NALCN: variants seen among roughly 807,000 people sequenced by gnomAD.
NALCN encodes sodium leak channel NALCN.
A neutral mutation model predicts 225.3 loss-of-function variants in NALCN; 111 were observed. The ratio of observed to expected loss-of-function variants is 0.49; its 90% CI spans 0.42 to 0.58. NALCN has a LOEUF of 0.58. Among genes scored for constraint, NALCN ranks in the 20% least tolerant of loss-of-function variants. The pLI, the probability that NALCN is intolerant of heterozygous loss-of-function variation, is 0.00. For synonymous variants in NALCN, 764 were observed against 769.0 expected (o/e 0.99, Z 0.11); for missense variants, 1,378 against 2,202.4 (o/e 0.63, Z 7.49).
At chr13:101,160,688 C>A (rs1316848591) in intron 15 of NALCN, among the ~76,000 whole-genome samples, 5 of 151,820 alleles carry the variant, frequency 3.3e-5, no homozygotes, top group African/African-American at 1.2e-4. Context: ...GAAGGTGTTT[C>A]TTCCTTATAA....
chr13:101,080,859 G>C (rs1026377834), intron 34 of NALCN, among the ~76,000 whole-genome samples: 2 of 151,444 alleles, frequency 1.3e-5, no homozygotes, highest in African/African-American at 2.4e-5. Context: ...AGTGATATCT[G>C]TGGCCACATT....
intron 14 of NALCN, chr13:101,181,255 G>T (rs981921363): frequency 3.9e-6 from 2 of 518,942 alleles, no homozygotes; most frequent in Non-Finnish European, 7.7e-6. Flanking sequence ...CTGGCTTCCA[G>T]GCAGAGGGTT....
chr13:101,274,493 T>G (rs2042910384), intron 10 of NALCN, among the ~76,000 whole-genome samples: 1 of 152,226 alleles, frequency 6.6e-6, no homozygotes, highest in African/African-American at 2.4e-5. Flanking sequence ...ACCTTTATGG[T>G]GCTGTGAGCA....
chr13:101,158,421 C>T (rs754274113), intron 15 of NALCN, among the ~76,000 whole-genome samples: 6 of 152,230 alleles, frequency 3.9e-5, no homozygotes, highest in African/African-American at 9.6e-5. Flanking sequence ...TCATGGGCAC[C>T]GCTGAGCTCC....
At chr13:101,138,926 G>A (rs1268267824) in intron 17 of NALCN, among the ~76,000 whole-genome samples, 3 of 152,094 alleles carry the variant, frequency 2.0e-5, no homozygotes, top group African/African-American at 4.8e-5. Flanking sequence ...CTTGAATCAG[G>A]AAGAAAAGGA....
chr13:101,403,845 G>A (rs2047545193), intron 1 of NALCN, among the ~76,000 whole-genome samples: 1 of 152,188 alleles, frequency 6.6e-6, no homozygotes, highest in Non-Finnish European at 1.5e-5. Context: ...CCCTGGCACA[G>A]TTTGAGAAGG....
chr13:101,182,251 A>T (rs2039268928), intron 14 of NALCN, among the ~76,000 whole-genome samples: 1 of 152,060 alleles, frequency 6.6e-6, no homozygotes, highest in African/African-American at 2.4e-5. Flanking sequence ...AGAGCAGGAC[A>T]GAGAGAGCCA....
At chr13:101,068,606 G>T in intron 38 of NALCN, 89 bp downstream of exon 38, 2 of 1,309,994 alleles carry the variant, frequency 1.5e-6, no homozygotes, top group South Asian at 2.4e-5. Flanking sequence ...CCCACCCCAA[G>T]AAATCCAGGG....
intron 3 of NALCN, among the ~76,000 whole-genome samples, chr13:101,379,989 T>C (rs928734208): frequency 6.6e-6 from 1 of 152,178 alleles, no homozygotes; most frequent in African/African-American, 2.4e-5. Flanking sequence ...ACCTTGACAG[T>C]ATTAGATCAT....
chr13:101,169,342 A>T (rs2038604111), intron 15 of NALCN, among the ~76,000 whole-genome samples: 1 of 142,236 alleles, frequency 7.0e-6, no homozygotes, highest in South Asian at 2.3e-4. Flanking sequence ...ATTTTTAAAA[A>T]TATTTTTATT....
intron 7 of NALCN, among the ~76,000 whole-genome samples, chr13:101,309,888 T>A (rs2044278687): frequency 6.6e-6 from 1 of 152,170 alleles, no homozygotes; most frequent in African/African-American, 2.4e-5. Context: ...TACTGGAACT[T>A]AACATGTAAT....
At chr13:101,228,088 G>A (rs2041214906) in intron 13 of NALCN, among the ~76,000 whole-genome samples, 1 of 152,072 alleles carries the variant, frequency 6.6e-6, no homozygotes. Context: ...CCCCTCAACT[G>A]AGAATTTCTT....
intron 1 of NALCN, among the ~76,000 whole-genome samples, chr13:101,412,347 C>G (rs187268747): frequency 1.3e-5 from 2 of 152,292 alleles, no homozygotes; most frequent in East Asian, 3.9e-4. Flanking sequence ...CTTTTCTTTG[C>G]ATAATTGGAA....
chr13:101,137,072 C>T (rs886743324), intron 17 of NALCN, among the ~76,000 whole-genome samples: 7 of 152,202 alleles, frequency 4.6e-5, no homozygotes, highest in African/African-American at 1.7e-4. Context: ...AAATCTTACG[C>T]ATCTTTTTAT....
At chr13:101,272,825 T>G (rs1299751407) in intron 10 of NALCN, among the ~76,000 whole-genome samples, 2 of 152,082 alleles carry the variant, frequency 1.3e-5, no homozygotes, top group Non-Finnish European at 2.9e-5. Context: ...TGTGGGAAGG[T>G]TCACGAAGAA....
chr13:101,281,123 T>A (rs1202729898), intron 10 of NALCN, among the ~76,000 whole-genome samples: 1 of 152,082 alleles, frequency 6.6e-6, no homozygotes, highest in Non-Finnish European at 1.5e-5. Flanking sequence ...TCAGGTGATC[T>A]GCCTGCCTCA....
chr13:101,143,341 C>A, intron 16 of NALCN, 120 bp from the exon 17 acceptor site: 1 of 1,004,430 alleles, frequency 1.0e-6, no homozygotes, highest in Non-Finnish European at 1.4e-6. Flanking sequence ...TCATAGAAAA[C>A]TAGATCATGA....
At position 101,164,207 on chromosome 13, in the gene NALCN, G is replaced by A. The variant is rs138035593; in HGVS notation, c.1839+12093C>T. On this transcript the variant is annotated intron_variant, in intron 15 of 43. Transcript: ENST00000251127. ...ATCAGGAGAACATCAATTCTAACAGGTACTTCTGTTTTGAACTGACTTTTT... is the reference window on the plus strand; with the variant it reads ...ATCAGGAGAACATCAATTCTAACAGATACTTCTGTTTTGAACTGACTTTTT... Among the ~76,000 whole-genome samples, 178 of 152,106 alleles carry A rather than the reference G, an allele frequency of 1.2e-3. 1 individual carries two copies. Among genetic ancestry groups the A allele is most frequent in the African/African-American group, 4.2e-3 (174 of 41,508 alleles).
Position 101,292,108 on chromosome 13 carries a change from C to T in NALCN, c.943-14G>A. 6.2e-7 allele frequency: 1 copy of T among 1,613,748 alleles called. No individual in the cohort carries two copies. Among genetic ancestry groups the T allele is most frequent in the Non-Finnish European group, 8.5e-7 (1 of 1,179,834 alleles). ...AATAAACACGTTCTGAAAAAAATCA[C>T]AAACCACATTTACCAAAGTCTAAGA... On this transcript the variant is annotated splice_polypyrimidine_tract_variant and intron_variant, in intron 8 of 43. Transcript: ENST00000251127. This position sits in a 1 kb window ranked among gnomAD's most constrained non-coding sequence, Gnocchi z 4.3.
Sources: gnomAD v4.1 joint callset for allele counts (sites outside exome capture counted in the v4.1 genomes callset) on GRCh38, gnomAD v4.1.1 for gene constraint, Gnocchi (gnomAD v3.1) non-coding constraint, MANE v1.5 for transcripts, NCBI Gene and HGNC (gene_info 2026-07-23, HGNC 2026-07-21) for gene names.